SKIC8: variants seen among roughly 807,000 people sequenced by gnomAD.
SKIC8 encodes SKI8 subunit of superkiller complex, also known as superkiller complex protein 8.
the SKIC8 span, chr15:78,285,635 G>A: frequency 3.9e-6 from 2 of 518,560 alleles, no homozygotes; most frequent in Non-Finnish European, 3.5e-6. Flanking sequence ...GCTCGCAGGA[G>A]GCCTCTAAAG....
chr15:78,289,692 T>C, the SKIC8 span: 1 of 1,614,132 alleles, frequency 6.2e-7, no homozygotes, highest in East Asian at 2.2e-5. Flanking sequence ...CTCCACTGGC[T>C]AGGTATTTCC....
the SKIC8 span, chr15:78,285,800 G>C: frequency 2.2e-6 from 1 of 460,220 alleles, no homozygotes; most frequent in Non-Finnish European, 3.9e-6. Context: ...GAGTCACTTT[G>C]GTAGAAGCCT....
chr15:78,296,796 C>A, the SKIC8 span, among the ~76,000 whole-genome samples: 2 of 152,202 alleles, frequency 1.3e-5, no homozygotes, highest in Non-Finnish European at 2.9e-5. Flanking sequence ...AGCCACCAGA[C>A]TCAGGCTCAG....
chr15:78,285,363 T>C, the SKIC8 span: 29 of 1,611,272 alleles, frequency 1.8e-5, no homozygotes, highest in African/African-American at 3.3e-4. Flanking sequence ...TGAACATTAG[T>C]ATCGGTTTGA....
chr15:78,295,456 A>G, the SKIC8 span: 5 of 687,562 alleles, frequency 7.3e-6, no homozygotes, highest in Admixed American at 8.4e-5. Flanking sequence ...TACTCACTAA[A>G]TTGTGGTAAA....
the SKIC8 span, chr15:78,283,651 A>T: frequency 1.5e-6 from 1 of 664,946 alleles, no homozygotes; most frequent in African/African-American, 1.8e-5. Context: ...GTACTTTCTA[A>T]ATCAGTGAGA....
At chr15:78,285,053 T>C in the SKIC8 span, 4 of 558,964 alleles carry the variant, frequency 7.2e-6, no homozygotes, top group South Asian at 9.8e-5. Flanking sequence ...GCCTCGTGAG[T>C]TGCTAGGCTG....
the SKIC8 span, among the ~76,000 whole-genome samples, chr15:78,296,445 T>G: frequency 2.1e-4 from 32 of 151,898 alleles, no homozygotes; most frequent in Non-Finnish European, 4.6e-4. Context: ...AGGATAGATC[T>G]AATTTCTCAG....
chr15:78,285,988 A>C, the SKIC8 span: 34 of 1,485,820 alleles, frequency 2.3e-5, 1 homozygote, highest in South Asian at 3.8e-4. Flanking sequence ...CTATACAAGA[A>C]GACTGCTCTC....
the SKIC8 span, chr15:78,292,337 T>C: frequency 2.0e-4 from 67 of 337,410 alleles, no homozygotes; most frequent in East Asian, 4.3e-3. Context: ...CAAAATTCAT[T>C]TGGCAGCAAA....
chr15:78,287,839 G>T, the SKIC8 span, among the ~76,000 whole-genome samples: 3 of 152,146 alleles, frequency 2.0e-5, no homozygotes, highest in Non-Finnish European at 2.9e-5. Flanking sequence ...CTCCCATCTA[G>T]GCCTGTAGCA....
the SKIC8 span, chr15:78,285,679 G>C: frequency 2.3e-6 from 1 of 442,164 alleles, no homozygotes; most frequent in Non-Finnish European, 4.1e-6. Flanking sequence ...TCCATCTCCT[G>C]CTTTCCAACT....
chr15:78,283,680 C>G, the SKIC8 span: 1 of 518,536 alleles, frequency 1.9e-6, no homozygotes, highest in South Asian at 3.8e-5. Context: ...TTTAACCGAG[C>G]ACCTTCCATT....
chr15:78,283,968 T>A, the SKIC8 span: 2 of 154,382 alleles, frequency 1.3e-5, no homozygotes, highest in African/African-American at 4.8e-5. Context: ...CCACAGTCAG[T>A]AATTCTCACT....
the SKIC8 span, chr15:78,285,776 A>G: frequency 2.1e-6 from 1 of 465,868 alleles, no homozygotes; most frequent in Non-Finnish European, 3.8e-6. Context: ...CCATTGGAAC[A>G]CAAGTCTACC....
At chr15:78,288,484 A>G in the SKIC8 span, 1 of 1,159,082 alleles carries the variant, frequency 8.6e-7, no homozygotes, top group Non-Finnish European at 1.3e-6. Context: ...CACTGAGTTG[A>G]AATGCTCAGG....
At chr15:78,294,812 T>C in the SKIC8 span, 2 of 918,412 alleles carry the variant, frequency 2.2e-6, no homozygotes, top group Admixed American at 2.3e-5. Flanking sequence ...AGAGTATTTG[T>C]TTTCAGCTGC....
chr15:78,286,368 T>A, the SKIC8 span: 1 of 427,898 alleles, frequency 2.3e-6, no homozygotes, highest in Non-Finnish European at 4.2e-6. Context: ...AAGCCAAGAA[T>A]AAAATCCTTC....
At chr15:78,286,336 C>T in the SKIC8 span, 1 of 504,320 alleles carries the variant, frequency 2.0e-6, no homozygotes, top group East Asian at 3.0e-5. Flanking sequence ...AGCATTAACC[C>T]ATAATGTGTT....
Sources: allele counts gnomAD v4.1 joint callset (sites outside exome capture counted in the v4.1 genomes callset), GRCh38; gene constraint gnomAD v4.1.1; transcripts MANE v1.5; gene names NCBI Gene and HGNC (gene_info 2026-07-23, HGNC 2026-07-21).